The following MAST2 variants were observed in gnomAD, a reference collection of about 807,000 sequenced individuals.
MAST2 encodes microtubule-associated serine/threonine-protein kinase 2.
A neutral mutation model predicts 147.4 loss-of-function variants in MAST2; 70 were observed. The observed-to-expected ratio is 0.47, with a 90% CI of 0.39 to 0.58. The LOEUF is 0.58. MAST2 is among the 20% of genes least tolerant of loss of function. The pLI is 0.00. For missense variants in MAST2, 2,080 were observed against 2,302.3 expected (o/e 0.90, Z 1.98); for synonymous variants, 869 against 896.8 (o/e 0.97, Z 0.55).
At chr1:45,838,411 C>A (rs887055517) in intron 3 of MAST2, among the ~76,000 whole-genome samples, 1 of 150,420 alleles carries the variant, frequency 6.6e-6, no homozygotes, top group Non-Finnish European at 1.5e-5. Context: ...TTAATAGAGA[C>A]GGGGTTTTGC....
At chr1:45,980,152 G>A (rs1465579947) in intron 5 of MAST2, among the ~76,000 whole-genome samples, 4 of 152,000 alleles carry the variant, frequency 2.6e-5, no homozygotes, top group Non-Finnish European at 5.9e-5. Flanking sequence ...TGGTGTCATG[G>A]CACACGCCTG....
intron 4 of MAST2, among the ~76,000 whole-genome samples, chr1:45,928,495 G>A (rs1379192132): frequency 6.6e-6 from 1 of 151,872 alleles, no homozygotes; most frequent in Non-Finnish European, 1.5e-5. Flanking sequence ...AATGAAAGAG[G>A]ATTGTTAATA....
chr1:45,816,206 GGAGA>G (rs1553202470), intron 1 of MAST2, among the ~76,000 whole-genome samples: 1 of 137,320 alleles, frequency 7.3e-6, no homozygotes, highest in Non-Finnish European at 1.5e-5. Flanking sequence ...GGGGTGGGGG[GGAGA>G]GAGAGAGAGA....
chr1:45,892,357 A>G (rs575948174), intron 4 of MAST2, among the ~76,000 whole-genome samples: 30 of 152,222 alleles, frequency 2.0e-4, no homozygotes, highest in Non-Finnish European at 4.1e-4. Flanking sequence ...AGAGTTATAG[A>G]TAGCCTAACA....
Position 46,028,850 on chromosome 1 carries a change from G to C in MAST2, c.2135G>C (p.Gly712Ala), listed in dbSNP as rs1424110975. 6.2e-7 allele frequency: 1 copy of C among 1,613,904 alleles called. No homozygotes were observed. The highest frequency in any genetic ancestry group is 1.3e-5 in the African/African-American group (1 of 74,916). The stretch of plus-strand genomic sequence containing the variant: ...AAGCCAGTGGACTGGTGGGCCATGG[G>C]CATTATCCTGTATGAGTTCCTGGTG... ...YGKPVDWWAMGIILYEFLVGC... is the reference protein window; with the variant it reads ...YGKPVDWWAMAIILYEFLVGC... Residue 712 changes from glycine to alanine, a missense_variant, in exon 18 of 29, where the codon GGC becomes GCC. By Grantham distance (60) the Gly-to-Ala change is moderately conservative (BLOSUM62 0). Coordinates refer to ENST00000361297, the MANE Select transcript of MAST2 (RefSeq NM_015112.3).
chr1:45,997,675 C>A, intron 5 of MAST2, 49 bp from the exon 6 acceptor site: 1 of 1,434,370 alleles, frequency 7.0e-7, no homozygotes, highest in Non-Finnish European at 9.8e-7. Context: ...CATGTCCACC[C>A]TCCTCACAAG....
Position 45,984,502 on chromosome 1 carries a change from C to CA in MAST2, c.593-13221dup, listed in dbSNP as rs146012510. ...TTAAATTTTTGTAGAGACAGAGTCC[C>CA]ACTGTGTTGTTGCCCAGGCTGGTCT... On this transcript the variant is annotated intron_variant, in intron 5 of 28. Transcript: ENST00000361297. Among the ~76,000 whole-genome samples, 783 of 151,944 alleles carry CA rather than the reference C, an allele frequency of 5.2e-3. 4 individuals carry two copies. The highest frequency in any genetic ancestry group is 6.1e-3 in the Non-Finnish European group (412 of 67,932).
intron 4 of MAST2, among the ~76,000 whole-genome samples, chr1:45,929,581 A>G (rs1265364788): frequency 6.6e-5 from 10 of 152,128 alleles, no homozygotes; most frequent in Admixed American, 3.3e-4. Context: ...CTTTTCTTTC[A>G]TGTCCCTAGA....
chr1:45,861,363 A>G lies in MAST2; in HGVS notation c.469-21001A>G, dbSNP rs564513847. ...GGTCAGTCCTTAACGCTGCTTACCA[A>G]TTCTACTTTTTGTTCAGCGTATTTT... On this transcript the variant is annotated intron_variant, in intron 3 of 28. Coordinates refer to ENST00000361297, the MANE Select transcript of MAST2 (RefSeq NM_015112.3). Among the ~76,000 whole-genome samples the G allele has an allele frequency of 5.7e-4, 86 of 152,194 alleles. No homozygotes were observed. In the Middle Eastern group the frequency reaches 0.01, roughly 18 times the overall value.
chr1:45,926,330 A>C (rs1173964442), intron 4 of MAST2, among the ~76,000 whole-genome samples: 3 of 152,224 alleles, frequency 2.0e-5, no homozygotes, highest in East Asian at 3.8e-4. Flanking sequence ...TGGGAGACTC[A>C]GATGTTGCTA....
rs112567164 is a variant in MAST2, at chr1:45,971,638, A to G, written c.592+12161A>G. The stretch of plus-strand genomic sequence containing the variant: ...ACATCATGCTCACTGTAGAGGATAG[A>G]TGATGCTTAAAGGAATTCTCTTCTT... On this transcript the variant is annotated intron_variant, in intron 5 of 28. Transcript: ENST00000361297. Among the ~76,000 whole-genome samples the G allele has an allele frequency of 2.9e-3, 440 of 152,362 alleles. 4 individuals are homozygous for G. The highest frequency in any genetic ancestry group is 0.01 in the African/African-American group (422 of 41,586).
intron 3 of MAST2, among the ~76,000 whole-genome samples, chr1:45,878,608 A>G (rs1646706975): frequency 6.6e-6 from 1 of 152,164 alleles, no homozygotes. Flanking sequence ...GAAAAAATCT[A>G]AGGAATGTAC....
chr1:45,963,045 G>T (rs1045815240), intron 5 of MAST2, among the ~76,000 whole-genome samples: 17 of 152,066 alleles, frequency 1.1e-4, no homozygotes, highest in Admixed American at 2.0e-4. Context: ...TCTTGTTTTT[G>T]TCAGGTTTGT....
intron 4 of MAST2, among the ~76,000 whole-genome samples, chr1:45,916,166 AAT>A (rs1652474338): frequency 6.6e-6 from 1 of 152,184 alleles, no homozygotes; most frequent in Admixed American, 6.5e-5. Flanking sequence ...ATTTCCTTTG[AAT>A]ATATGTAAGC....
intron 3 of MAST2, among the ~76,000 whole-genome samples, chr1:45,850,181 G>A (rs1570366592): frequency 6.6e-6 from 1 of 152,082 alleles, no homozygotes; most frequent in South Asian, 2.1e-4. Context: ...TGGTTTTGAT[G>A]TGCATTTCTC....
At chr1:45,894,563 T>C (rs1648412556) in intron 4 of MAST2, among the ~76,000 whole-genome samples, 1 of 152,150 alleles carries the variant, frequency 6.6e-6, no homozygotes, top group Non-Finnish European at 1.5e-5. Flanking sequence ...CAAAAGAATA[T>C]ACTTTAATAT....
intron 1 of MAST2, among the ~76,000 whole-genome samples, chr1:45,807,142 C>G (rs574940164): frequency 6.6e-6 from 1 of 152,248 alleles, no homozygotes; most frequent in Non-Finnish European, 1.5e-5. Flanking sequence ...TGTCTGACCT[C>G]TGTGAACTAT....
At chr1:45,913,357 C>G (rs1265479942) in intron 4 of MAST2, among the ~76,000 whole-genome samples, 1 of 152,178 alleles carries the variant, frequency 6.6e-6, no homozygotes, top group Non-Finnish European at 1.5e-5. Flanking sequence ...TTAGCCTGGC[C>G]CATGCCTTCT....
Position 45,939,980 on chromosome 1 carries a change from G to GTTTTTTTTTTTTTT in MAST2, c.501-19398_501-19385dup, listed in dbSNP as rs1174123217. Among the ~76,000 whole-genome samples, 78 of 97,324 alleles carry GTTTTTTTTTTTTTT rather than the reference G, an allele frequency of 8.0e-4. 7 individuals carry two copies. The highest frequency in any genetic ancestry group is 1.1e-3 in the Non-Finnish European group (57 of 51,022). The allele number at this position is 97,324 out of a possible 152,430, so 63.8% of individuals were successfully genotyped here. A position where few individuals can be genotyped will look rare whatever the true frequency, so the allele number is the denominator to read the frequency against. ...AACGGAAGTTCTCTATTTATTTAGG[G>GTTTTTTTTTTTTTT]TTTTTTTTTTTTTTTTTTTTTGAGA... On this transcript the variant is annotated intron_variant, in intron 4 of 28. Coordinates refer to ENST00000361297, the MANE Select transcript of MAST2 (RefSeq NM_015112.3).
Sources: gnomAD v4.1 joint callset for allele counts (sites outside exome capture counted in the v4.1 genomes callset) on GRCh38, gnomAD v4.1.1 for gene constraint, MANE v1.5 for transcripts, NCBI Gene and HGNC (gene_info 2026-07-23, HGNC 2026-07-21) for gene names.